Variants in PBX1 observed in about 807,000 individuals in gnomAD.
The protein encoded by PBX1 is pre-B-cell leukemia transcription factor 1.
A neutral mutation model predicts 53.4 loss-of-function variants in PBX1; 6 were observed. The observed-to-expected ratio is 0.11, with a 90% CI of 0.06 to 0.22. The LOEUF is 0.22. PBX1 is among the 10% of genes least tolerant of loss of function. The pLI is 1.00. For synonymous variants in PBX1, 204 were observed against 212.3 expected, an observed-to-expected ratio of 0.96 and a Z score of 0.34; for missense variants, 251 against 551.4, an observed-to-expected ratio of 0.46 and a Z score of 5.46.
intron 2 of PBX1, among the ~76,000 whole-genome samples, chr1:164,657,693 G>T (rs1252011892): frequency 6.6e-6 from 1 of 152,124 alleles, no homozygotes; most frequent in Non-Finnish European, 1.5e-5. Flanking sequence ...TGGGGAATCG[G>T]GAGTTTTCTC....
At chr1:164,737,043 AG>A (rs1181706317) in intron 2 of PBX1, among the ~76,000 whole-genome samples, 1 of 150,388 alleles carries the variant, frequency 6.6e-6, no homozygotes, top group African/African-American at 2.4e-5. Context: ...CAAGGAGACA[AG>A]AAAGGTGTGT....
chr1:164,592,282 T>C (rs952388170), intron 2 of PBX1, among the ~76,000 whole-genome samples: 9 of 152,326 alleles, frequency 5.9e-5, no homozygotes, highest in Admixed American at 1.3e-4. Context: ...GTATATGTCC[T>C]AGGAAAGGAA....
In PBX1 at chr1:164,749,308, G is replaced by A. The variant is rs974747766; in HGVS notation, c.266-43186G>A. The stretch of plus-strand genomic sequence containing the variant: ...TTACAACTTAATACAGAAATTTTCT[G>A]TTACTTTATTACTTTTTATAATTAT... On this transcript the variant is annotated intron_variant, in intron 2 of 8. Coordinates refer to ENST00000420696, the MANE Select transcript of PBX1 (RefSeq NM_002585.4). 4.6e-5 allele frequency among the ~76,000 whole-genome samples: 7 copies of A among 152,138 alleles called. No homozygotes were observed. In the South Asian group the frequency reaches 1.5e-3, roughly 32 times the overall value.
At chr1:164,687,201 G>A (rs566294745) in intron 2 of PBX1, among the ~76,000 whole-genome samples, 1 of 152,172 alleles carries the variant, frequency 6.6e-6, no homozygotes, top group African/African-American at 2.4e-5. Flanking sequence ...AGAGAGGCTG[G>A]AACAAAAAGG....
intron 2 of PBX1, among the ~76,000 whole-genome samples, chr1:164,883,094 G>GA (rs1672699636): frequency 6.6e-6 from 1 of 152,088 alleles, no homozygotes; most frequent in East Asian, 1.9e-4. Flanking sequence ...AAATAAAAGG[G>GA]AAAATCTTGC....
chr1:164,625,825 GAAAA>G, intron 2 of PBX1: 2 of 422,188 alleles, frequency 4.7e-6, no homozygotes, highest in Non-Finnish European at 3.2e-6. Context: ...AAAAAAAAAA[GAAAA>G]AAAACACCTT....
intron 8 of PBX1, among the ~76,000 whole-genome samples, chr1:164,838,296 T>A (rs1483734106): frequency 6.6e-6 from 1 of 152,190 alleles, no homozygotes; most frequent in Non-Finnish European, 1.5e-5. Flanking sequence ...TAAGCCATAT[T>A]CACTGGCAAG....
At chr1:164,616,360 G>A (rs144919675) in intron 2 of PBX1, among the ~76,000 whole-genome samples, 108 of 152,266 alleles carry the variant, frequency 7.1e-4, no homozygotes, top group Middle Eastern at 3.4e-3. Flanking sequence ...CCTGTGACGA[G>A]GGGTGGGAAG....
intron 1 of PBX1, among the ~76,000 whole-genome samples, chr1:164,561,357 T>G (rs1653028055): frequency 6.6e-6 from 1 of 152,206 alleles, no homozygotes; most frequent in South Asian, 2.1e-4. Context: ...ACATGTAAAC[T>G]CAAAAGTACT....
At chr1:164,658,367 G>A (rs1004624380) in intron 2 of PBX1, among the ~76,000 whole-genome samples, 4 of 152,154 alleles carry the variant, frequency 2.6e-5, no homozygotes, top group African/African-American at 9.7e-5. Flanking sequence ...CTTTTTATCT[G>A]CTGTGGTCGT....
At chr1:164,668,947 G>A (rs971217898) in intron 2 of PBX1, among the ~76,000 whole-genome samples, 2 of 152,146 alleles carry the variant, frequency 1.3e-5, no homozygotes, top group Non-Finnish European at 1.5e-5. Context: ...TTTAGCACAC[G>A]TCTGCTTGGG....
Position 164,620,050 on chromosome 1 carries a change from A to G in PBX1, c.265+56739A>G, listed in dbSNP as rs77409105. Among the ~76,000 whole-genome samples, 1,040 of 152,180 alleles carry G rather than the reference A, an allele frequency of 6.8e-3. 15 individuals carry two copies. The highest frequency in any genetic ancestry group is 0.024 in the African/African-American group (997 of 41,506). On this transcript the variant is annotated intron_variant, in intron 2 of 8. Transcript: ENST00000420696. ...TCTACAAAAAATTAAAGAATTAGCC[A>G]GGCGTGGTAGCACACATCTGTAGTC...
intron 2 of PBX1, among the ~76,000 whole-genome samples, chr1:164,647,074 A>G (rs1303024227): frequency 6.6e-6 from 1 of 152,242 alleles, no homozygotes; most frequent in East Asian, 1.9e-4. Flanking sequence ...TGTTTCATGG[A>G]TTTTATTTGC....
intron 4 of PBX1, among the ~76,000 whole-genome samples, chr1:164,801,128 C>T (rs1669048680): frequency 6.6e-6 from 1 of 152,162 alleles, no homozygotes; most frequent in South Asian, 2.1e-4. Flanking sequence ...CAAAATGTAA[C>T]TCTGGGCCAG....
intron 2 of PBX1, among the ~76,000 whole-genome samples, chr1:164,748,029 C>T (rs1665989729): frequency 6.6e-6 from 1 of 152,108 alleles, no homozygotes; most frequent in South Asian, 2.1e-4. Context: ...CCAAAATGAT[C>T]AAGTTTAGCC....
chr1:164,800,174 C>T (rs997191522), intron 4 of PBX1, among the ~76,000 whole-genome samples: 1 of 152,152 alleles, frequency 6.6e-6, no homozygotes, highest in Admixed American at 6.5e-5. Flanking sequence ...GCACTAGGTA[C>T]CTCTTTTACA....
intron 2 of PBX1, among the ~76,000 whole-genome samples, chr1:164,577,810 C>T (rs1654358390): frequency 1.3e-5 from 2 of 152,144 alleles, no homozygotes; most frequent in South Asian, 4.1e-4. Context: ...TCTGATCCAC[C>T]AGCTGGAGAA....
intron 2 of PBX1, among the ~76,000 whole-genome samples, chr1:164,655,367 C>T (rs1367853777): frequency 6.6e-6 from 1 of 152,152 alleles, no homozygotes; most frequent in Non-Finnish European, 1.5e-5. Flanking sequence ...CCCACCTCAG[C>T]CTCCCAAAGT....
At chr1:164,622,398 A>G (rs142539065) in intron 2 of PBX1, among the ~76,000 whole-genome samples, 3 of 152,320 alleles carry the variant, frequency 2.0e-5, no homozygotes, top group African/African-American at 7.2e-5. Context: ...TTTGGACTCC[A>G]AAGTTCTGGA....
Sources: gnomAD v4.1 joint callset for allele counts (sites outside exome capture counted in the v4.1 genomes callset) on GRCh38, gnomAD v4.1.1 for gene constraint, MANE v1.5 for transcripts, NCBI Gene and HGNC (gene_info 2026-07-23, HGNC 2026-07-21) for gene names.